The following FRMD5 variants were observed in gnomAD, a reference collection of about 807,000 sequenced individuals.
FRMD5 encodes the protein FERM domain-containing protein 5.
In FRMD5, 20 loss-of-function variants were observed where a neutral mutation model predicts 69.0. The ratio of observed to expected loss-of-function variants is 0.29; its 90% confidence interval spans 0.20 to 0.42. The LOEUF (loss-of-function observed/expected upper bound fraction) is 0.42, where lower values mean the gene tolerates loss of function less well. Ranked by LOEUF, FRMD5 falls within the 10% of genes least tolerant of loss-of-function variation. The pLI, the probability that FRMD5 is intolerant of heterozygous loss-of-function variation, is 1.00. For synonymous variants in FRMD5, 271 were observed against 260.1 expected, an observed-to-expected ratio of 1.04 and a Z score of -0.40; for missense variants, 595 against 708.6, an observed-to-expected ratio of 0.84 and a Z score of 1.82.
rs2076569894 is a variant in FRMD5 at position 44,097,455 on chromosome 15, A to G, written c.102+97498T>C. 2.0e-5 allele frequency among the ~76,000 whole-genome samples: 3 copies of G among 152,354 alleles called. No homozygotes were observed. The South Asian group carries it at 6.2e-4, about 32-fold the overall frequency. ...GAATGACATGGCTATGAAAGTGTCC[A>G]GGTCAACCAGACAAGAAGAGGGGCT... On this transcript the variant is annotated intron_variant, in intron 1 of 13. Coordinates refer to ENST00000417257, the MANE Select transcript of FRMD5 (RefSeq NM_032892.5).
At chr15:43,926,488 G>T (rs746951641) in intron 1 of FRMD5, among the ~76,000 whole-genome samples, 7 of 152,160 alleles carry the variant, frequency 4.6e-5, no homozygotes, top group Non-Finnish European at 1.0e-4. Context: ...GAAGGGCCTG[G>T]CCCTGCCCCA....
chr15:43,938,123 C>T (rs1162142184), intron 1 of FRMD5, among the ~76,000 whole-genome samples: 1 of 147,826 alleles, frequency 6.8e-6, no homozygotes, highest in Non-Finnish European at 1.5e-5. Context: ...CCCAGCTACT[C>T]GGGAGGCTGA....
At chr15:43,943,949 C>T (rs1223075952) in intron 1 of FRMD5, among the ~76,000 whole-genome samples, 2 of 152,190 alleles carry the variant, frequency 1.3e-5, no homozygotes, top group African/African-American at 2.4e-5. Context: ...CCAAATCTGG[C>T]CATTGTGACC....
chr15:43,889,157 G>T (rs1367944585), intron 8 of FRMD5, among the ~76,000 whole-genome samples: 1 of 152,226 alleles, frequency 6.6e-6, no homozygotes. Context: ...CATGGAAAGT[G>T]AGTCTAGGTA....
In FRMD5 at chr15:43,873,511, TGATA is replaced by T; in HGVS notation, c.*370_*373del. ...TTCAACTAGTGTCCCCTCTGCTAGGTGATACTACTGCAATAATCAGTAATAGTAA... is the reference window on the plus strand; with the variant it reads ...TTCAACTAGTGTCCCCTCTGCTAGGTCTACTGCAATAATCAGTAATAGTAA... On this transcript the variant is annotated 3_prime_UTR_variant, in exon 14 of 14. Coordinates refer to ENST00000417257, the MANE Select transcript of FRMD5 (RefSeq NM_032892.5). 1 of 1,414,914 alleles carries T rather than the reference TGATA, an allele frequency of 7.1e-7. No individual in the cohort carries two copies. Among genetic ancestry groups the T allele is most frequent in the Non-Finnish European group, 9.2e-7 (1 of 1,089,354 alleles). 87.6% of individuals were successfully genotyped at this position (1,414,914 alleles called of 1,614,324 possible). A position where few individuals can be genotyped will look rare whatever the true frequency, so the allele number is the denominator to read the frequency against.
intron 1 of FRMD5, among the ~76,000 whole-genome samples, chr15:44,107,628 T>C (rs2076738911): frequency 6.6e-6 from 1 of 152,176 alleles, no homozygotes; most frequent in Non-Finnish European, 1.5e-5. Context: ...AGCTGCATGA[T>C]TGGAATTCAA....
Position 43,924,229 on chromosome 15 carries a change from G to T in FRMD5, c.183C>A (p.Arg61=). 6.2e-7 allele frequency: 1 copy of T among 1,614,000 alleles called. No individual in the cohort carries two copies. The highest frequency in any genetic ancestry group is 8.5e-7 in the Non-Finnish European group (1 of 1,179,878). ...CCCGCTGCTTATCTGGGTCTACAAA[G>T]CGGATACCAAAATAGTCTTTCTCAA... ...NLLEKDYFGI[R]FVDPDKQRHW... The change falls in exon 2 of 14, where the codon CGC becomes CGA. Residue 61 remains arginine, a synonymous_variant. Coordinates refer to ENST00000417257, the MANE Select transcript of FRMD5 (RefSeq NM_032892.5).
At chr15:44,098,565 G>C (rs2076590685) in intron 1 of FRMD5, among the ~76,000 whole-genome samples, 1 of 148,622 alleles carries the variant, frequency 6.7e-6, no homozygotes, top group South Asian at 2.1e-4. Flanking sequence ...AAGCAGAAAA[G>C]CAATCTATGA....
chr15:44,167,461 T>A (rs2077729256), intron 1 of FRMD5, among the ~76,000 whole-genome samples: 1 of 152,212 alleles, frequency 6.6e-6, no homozygotes, highest in Non-Finnish European at 1.5e-5. Flanking sequence ...CCTAGACACC[T>A]GGATCCTGGA....
intron 1 of FRMD5, among the ~76,000 whole-genome samples, chr15:43,951,406 G>A (rs569088014): frequency 6.7e-6 from 1 of 149,142 alleles, no homozygotes; most frequent in Non-Finnish European, 1.5e-5. Context: ...TGGGCCACAG[G>A]GTGAGACTCC....
chr15:44,178,472 G>C (rs1029615315), intron 1 of FRMD5, among the ~76,000 whole-genome samples: 3 of 152,182 alleles, frequency 2.0e-5, no homozygotes, highest in African/African-American at 7.2e-5. Context: ...ACTAAGAGGA[G>C]CATGCCTCCT....
chr15:43,892,821 T>A (rs2088824199), intron 7 of FRMD5, among the ~76,000 whole-genome samples: 1 of 152,208 alleles, frequency 6.6e-6, no homozygotes, highest in African/African-American at 2.4e-5. Context: ...AGGGCACATA[T>A]CGCCAGGAGC....
intron 1 of FRMD5, among the ~76,000 whole-genome samples, chr15:44,002,695 T>G (rs2140179371): frequency 6.6e-6 from 1 of 152,302 alleles, no homozygotes; most frequent in African/African-American, 2.4e-5. Context: ...ATACAATGTC[T>G]GGAATCTATA....
intron 1 of FRMD5, among the ~76,000 whole-genome samples, chr15:44,005,658 C>T (rs1263002885): frequency 6.6e-6 from 1 of 151,892 alleles, no homozygotes; most frequent in Admixed American, 6.6e-5. Flanking sequence ...TCTCACATGG[C>T]CGGAGCACGA....
At chr15:43,928,765 C>T (rs574876986) in intron 1 of FRMD5, among the ~76,000 whole-genome samples, 1 of 152,326 alleles carries the variant, frequency 6.6e-6, no homozygotes, top group Admixed American at 6.5e-5. Context: ...CTAAACTGTG[C>T]GTTGAATGTT....
intron 1 of FRMD5, among the ~76,000 whole-genome samples, chr15:43,996,269 C>T (rs1566887264): frequency 6.6e-6 from 1 of 152,116 alleles, no homozygotes; most frequent in Non-Finnish European, 1.5e-5. Flanking sequence ...TCTGTAGGTA[C>T]AGGCCTGGAG....
intron 1 of FRMD5, among the ~76,000 whole-genome samples, chr15:43,999,947 GCCATGCATATATATATATATATATA>G (rs1890116632): frequency 4.1e-5 from 4 of 97,862 alleles, no homozygotes; most frequent in African/African-American, 1.9e-4. Context: ...ATATATATAT[GCCATGCATATATATATATATATATA>G]TATATATATA....
intron 1 of FRMD5, among the ~76,000 whole-genome samples, chr15:44,172,298 G>A (rs1439914822): frequency 6.7e-6 from 1 of 148,252 alleles, no homozygotes; most frequent in Non-Finnish European, 1.5e-5. Context: ...TAATTTCTGA[G>A]GGACAGGGTC....
intron 1 of FRMD5, among the ~76,000 whole-genome samples, chr15:44,142,766 T>C (rs868545345): frequency 6.6e-6 from 1 of 152,146 alleles, no homozygotes; most frequent in Non-Finnish European, 1.5e-5. Context: ...GGTATACAAC[T>C]GGGCAAATGC....
Sources: allele counts gnomAD v4.1 joint callset (sites outside exome capture counted in the v4.1 genomes callset), GRCh38; gene constraint gnomAD v4.1.1; transcripts MANE v1.5; gene names NCBI Gene and HGNC (gene_info 2026-07-23, HGNC 2026-07-21).